The following MYO18B variants were observed in gnomAD, a reference collection of about 807,000 sequenced individuals.
The protein encoded by MYO18B is unconventional myosin-XVIIIb.
In MYO18B, 204 loss-of-function variants were observed where a neutral mutation model predicts 273.0. That is an observed-to-expected ratio of 0.75 (90% CI 0.67 to 0.84). The LOEUF (loss-of-function observed/expected upper bound fraction) is 0.84, where lower values mean the gene tolerates loss of function less well. Ranked by LOEUF, MYO18B falls within the 40% of genes least tolerant of loss-of-function variation. The probability of loss-of-function intolerance (pLI) is 0.00; values close to 1 mark genes in which losing one functional copy is unlikely to be tolerated. For synonymous variants in MYO18B, 1,330 were observed against 1,305.7 expected (o/e 1.02, Z -0.40); for missense variants, 3,212 against 3,287.6 (o/e 0.98, Z 0.56).
At chr22:25,862,185 T>C (rs919645742) in intron 21 of MYO18B, among the ~76,000 whole-genome samples, 15 of 152,322 alleles carry the variant, frequency 9.8e-5, no homozygotes, top group Non-Finnish European at 1.3e-4. Flanking sequence ...TGCCATTTTA[T>C]ATAAAGGACT....
chr22:25,981,403 G>A (rs1009434662), intron 39 of MYO18B, among the ~76,000 whole-genome samples: 1 of 152,164 alleles, frequency 6.6e-6, no homozygotes, highest in Non-Finnish European at 1.5e-5. Flanking sequence ...ACACCCCAGT[G>A]TTTTCACCTC....
intron 42 of MYO18B, among the ~76,000 whole-genome samples, chr22:26,005,450 A>T (rs1048298925): frequency 6.6e-6 from 1 of 152,166 alleles, no homozygotes; most frequent in Non-Finnish European, 1.5e-5. Flanking sequence ...GAGCCTCACA[A>T]ATCTACAGAA....
At chr22:25,797,655 C>T (rs1443839192) in intron 11 of MYO18B, among the ~76,000 whole-genome samples, 1 of 152,192 alleles carries the variant, frequency 6.6e-6, no homozygotes, top group African/African-American at 2.4e-5. Flanking sequence ...CTTTGCTCAT[C>T]TTTGCATCCC....
chr22:25,828,873 A>G lies in MYO18B; in HGVS notation c.2884A>G (p.Thr962Ala). ...PRHQGKDRAA[T>A]FEELCHNYAH... is the part of the protein sequence containing the mutation. The stretch of plus-strand genomic sequence containing the variant: ...GCACCAGGGCAAGGACCGGGCGGCC[A>G]CCTTTGAGGAGCTGTGCCACAACTA... Residue 962 changes from threonine to alanine, a missense_variant, in exon 15 of 44, where the codon ACC becomes GCC. By Grantham distance (58) the Thr-to-Ala change is moderately conservative. Transcript: ENST00000335473. The G allele has an allele frequency of 6.2e-7, 1 of 1,613,916 alleles. No homozygotes were observed. The highest frequency in any genetic ancestry group is 8.5e-7 in the Non-Finnish European group (1 of 1,179,872).
intron 21 of MYO18B, among the ~76,000 whole-genome samples, chr22:25,862,169 A>T (rs1384012036): frequency 6.6e-6 from 1 of 152,192 alleles, no homozygotes; most frequent in Non-Finnish European, 1.5e-5. Context: ...TTATTTGTAA[A>T]TACTGTGCCA....
At chr22:25,903,062 G>A in intron 30 of MYO18B, 1 of 262,100 alleles carries the variant, frequency 3.8e-6, no homozygotes, top group Non-Finnish European at 7.4e-6. Flanking sequence ...GTCCAAGCAG[G>A]CTCCAATGCA....
At chr22:25,910,398 T>C (rs1230552200) in intron 32 of MYO18B, among the ~76,000 whole-genome samples, 1 of 152,136 alleles carries the variant, frequency 6.6e-6, no homozygotes. Flanking sequence ...TCTACCTTCA[T>C]GGCCTCATTT....
intron 16 of MYO18B, among the ~76,000 whole-genome samples, chr22:25,835,058 C>T (rs2089847389): frequency 6.6e-6 from 1 of 152,148 alleles, no homozygotes; most frequent in Admixed American, 6.5e-5. Context: ...GTAAGTTGCC[C>T]AAGGCCACAC....
intron 39 of MYO18B, among the ~76,000 whole-genome samples, chr22:25,956,853 C>A (rs1032674094): frequency 3.9e-5 from 6 of 152,202 alleles, no homozygotes; most frequent in African/African-American, 1.2e-4. Flanking sequence ...GTTCTTCCTG[C>A]AGCAAATATA....
chr22:25,950,926 C>G (rs1415198902), intron 37 of MYO18B, among the ~76,000 whole-genome samples: 1 of 152,162 alleles, frequency 6.6e-6, no homozygotes, highest in Non-Finnish European at 1.5e-5. Context: ...AATAGGCCTT[C>G]TGCAAGCTAA....
chr22:25,995,639 A>C (rs550339480), intron 40 of MYO18B, among the ~76,000 whole-genome samples: 88 of 152,304 alleles, frequency 5.8e-4, no homozygotes, highest in African/African-American at 1.9e-3. Flanking sequence ...GAGGTCACAG[A>C]AAGTTGCAGA....
At chr22:26,019,418 T>G (rs1935632656) in intron 42 of MYO18B, among the ~76,000 whole-genome samples, 1 of 152,248 alleles carries the variant, frequency 6.6e-6, no homozygotes, top group Non-Finnish European at 1.5e-5. Flanking sequence ...TTGCAATATC[T>G]GCTTTAGAGG....
At chr22:25,963,178 T>TCTCTCTCTCTCACA (rs774304270) in intron 39 of MYO18B, among the ~76,000 whole-genome samples, 1 of 144,072 alleles carries the variant, frequency 6.9e-6, no homozygotes, top group African/African-American at 2.6e-5. Flanking sequence ...TCTCTCTCTC[T>TCTCTCTCTCTCACA]CACACACACA....
chr22:25,791,203 A>G (rs1196194939), intron 11 of MYO18B, among the ~76,000 whole-genome samples: 5 of 152,164 alleles, frequency 3.3e-5, no homozygotes, highest in African/African-American at 9.7e-5. Context: ...GCTGAGGCCA[A>G]GCTGGGAGGA....
the MYO18B span, among the ~76,000 whole-genome samples, chr22:26,044,948 T>C: frequency 2.0e-5 from 3 of 152,216 alleles, no homozygotes; most frequent in Non-Finnish European, 4.4e-5. Context: ...TGGCAAATTG[T>C]AATCATGGCC....
chr22:26,021,952 G>A (rs1380610315), intron 42 of MYO18B, among the ~76,000 whole-genome samples: 3 of 152,116 alleles, frequency 2.0e-5, no homozygotes, highest in Non-Finnish European at 2.9e-5. Context: ...AACCAGCCCC[G>A]GCATCTTTGT....
chr22:25,944,654 C>T (rs2092683574), intron 34 of MYO18B, among the ~76,000 whole-genome samples: 1 of 152,018 alleles, frequency 6.6e-6, no homozygotes, highest in Non-Finnish European at 1.5e-5. Flanking sequence ...TCAAGACCAG[C>T]CTGGCCAATA....
At chr22:25,909,065 C>G (rs1007167378) in intron 32 of MYO18B, among the ~76,000 whole-genome samples, 5 of 152,092 alleles carry the variant, frequency 3.3e-5, no homozygotes, top group Admixed American at 6.6e-5. Flanking sequence ...AGTTTTTCAC[C>G]CAAAGCTTAT....
chr22:25,811,139 G>T (rs953985053), intron 12 of MYO18B, among the ~76,000 whole-genome samples: 12 of 150,874 alleles, frequency 8.0e-5, no homozygotes, highest in African/African-American at 2.9e-4. Context: ...TCAGCCTCCC[G>T]AGTGGCTGGG....
Sources: gnomAD v4.1 joint callset for allele counts (sites outside exome capture counted in the v4.1 genomes callset) on GRCh38, gnomAD v4.1.1 for gene constraint, MANE v1.5 for transcripts, NCBI Gene and HGNC (gene_info 2026-07-23, HGNC 2026-07-21) for gene names.